The following KLHL2 variants were observed in gnomAD, a reference collection of about 807,000 sequenced individuals.
KLHL2 encodes the protein kelch like family member 2.
A neutral mutation model predicts 75.8 loss-of-function variants in KLHL2; 15 were observed. That is an observed-to-expected ratio of 0.20 (90% CI 0.13 to 0.30). The LOEUF (loss-of-function observed/expected upper bound fraction) is 0.30, where lower values mean the gene tolerates loss of function less well. KLHL2 is among the 10% of genes least tolerant of loss of function. The pLI, the probability that KLHL2 is intolerant of heterozygous loss-of-function variation, is 1.00. For missense variants in KLHL2, 381 were observed against 741.0 expected (o/e 0.51, Z 5.64); for synonymous variants, 214 against 251.9 (o/e 0.85, Z 1.42).
chr4:165,312,428 T>TTATTA (rs34081538), intron 11 of KLHL2, among the ~76,000 whole-genome samples: 1 of 75,940 alleles, frequency 1.3e-5, no homozygotes, highest in African/African-American at 4.5e-5. Context: ...ATTATTATTA[T>TTATTA]TTTTTTTTAA....
chr4:165,212,792 A>G (rs1578962388), intron 1 of KLHL2, among the ~76,000 whole-genome samples: 2 of 152,222 alleles, frequency 1.3e-5, no homozygotes, highest in African/African-American at 4.8e-5. Context: ...TCTGTCTTGC[A>G]TGACTTCTCT....
At chr4:165,236,741 TCTTA>T (rs1322779590) in intron 3 of KLHL2, among the ~76,000 whole-genome samples, 1 of 152,228 alleles carries the variant, frequency 6.6e-6, no homozygotes, top group Non-Finnish European at 1.5e-5. Flanking sequence ...TTTTTATTTT[TCTTA>T]CTGTTTTTGT....
At chr4:165,226,339 G>C (rs894704164) in intron 2 of KLHL2, among the ~76,000 whole-genome samples, 23 of 152,224 alleles carry the variant, frequency 1.5e-4, no homozygotes, top group Middle Eastern at 3.4e-3. Context: ...GTCTCCATGC[G>C]ATAGTACATC....
chr4:165,255,797 C>T (rs1741120775), intron 4 of KLHL2, among the ~76,000 whole-genome samples: 1 of 152,074 alleles, frequency 6.6e-6, no homozygotes, highest in Admixed American at 6.5e-5. Flanking sequence ...CTATGGCTAG[C>T]TGAGTCAAAA....
chr4:165,212,078 A>T (rs1477132991), intron 1 of KLHL2, among the ~76,000 whole-genome samples: 4 of 152,158 alleles, frequency 2.6e-5, no homozygotes, highest in Non-Finnish European at 4.4e-5. Flanking sequence ...GTAGTGTTCT[A>T]CCAAATCCAA....
At chr4:165,273,613 A>T (rs1336451293) in intron 5 of KLHL2, among the ~76,000 whole-genome samples, 1 of 152,200 alleles carries the variant, frequency 6.6e-6, no homozygotes, top group Non-Finnish European at 1.5e-5. Flanking sequence ...GTTTCCCTGC[A>T]CAAGCTCTCT....
chr4:165,299,603 A>G lies in KLHL2; in HGVS notation c.868A>G (p.Ile290Val), dbSNP rs752016015. 1.5e-5 allele frequency: 25 copies of G among 1,613,828 alleles called. No individual in the cohort carries two copies. The highest frequency in any genetic ancestry group is 1.0e-4 in the Admixed American group (6 of 59,890). ...KYHLLPTEQR[I>V]LMKSVRTRLR... ...CCATTTGCTGCCAACAGAGCAGCGTATATTAATGAAGAGTGTCCGGACCCG... is the reference window on the plus strand; with the variant it reads ...CCATTTGCTGCCAACAGAGCAGCGTGTATTAATGAAGAGTGTCCGGACCCG... Residue 290 changes from isoleucine to valine, a missense_variant, in exon 8 of 15, where the codon ATA (isoleucine) becomes GTA (valine). Ile to Val is a conservative substitution (Grantham distance 29). Around this residue, in one of 5 missense-constraint regions of KLHL2, gnomAD observed 111 missense variants for 150.1 expected, o/e 0.74. Coordinates refer to ENST00000226725, the MANE Select transcript of KLHL2 (RefSeq NM_007246.4).
intron 5 of KLHL2, among the ~76,000 whole-genome samples, chr4:165,285,051 A>C (rs1314666229): frequency 6.6e-6 from 1 of 152,198 alleles, no homozygotes; most frequent in Non-Finnish European, 1.5e-5. Flanking sequence ...GAATTATGGG[A>C]GTTACAAGAT....
intron 1 of KLHL2, among the ~76,000 whole-genome samples, chr4:165,219,326 A>G (rs1186060971): frequency 2.0e-5 from 3 of 152,274 alleles, no homozygotes; most frequent in African/African-American, 7.2e-5. Context: ...GGATAATAAT[A>G]GTAATTTGCT....
chr4:165,218,428 C>G (rs1229764051), intron 1 of KLHL2, among the ~76,000 whole-genome samples: 1 of 152,196 alleles, frequency 6.6e-6, no homozygotes, highest in African/African-American at 2.4e-5. Context: ...GATGTTCCCA[C>G]ACCCCCTAGT....
intron 5 of KLHL2, among the ~76,000 whole-genome samples, chr4:165,273,722 T>A (rs1397486335): frequency 1.3e-5 from 2 of 152,254 alleles, no homozygotes; most frequent in Non-Finnish European, 2.9e-5. Context: ...TATAAGTCCA[T>A]TAAACCTCTT....
At chr4:165,221,276 A>T (rs576187726) in intron 2 of KLHL2, among the ~76,000 whole-genome samples, 1 of 152,254 alleles carries the variant, frequency 6.6e-6, no homozygotes, top group Non-Finnish European at 1.5e-5. Flanking sequence ...AGTGTTGCAG[A>T]GGAGGGCTGC....
intron 9 of KLHL2, among the ~76,000 whole-genome samples, chr4:165,309,053 T>G (rs1055120945): frequency 6.6e-5 from 10 of 152,204 alleles, no homozygotes; most frequent in African/African-American, 2.4e-4. Context: ...GTCAAACATA[T>G]CTGGTGATTC....
At chr4:165,310,489 A>T in intron 9 of KLHL2, 64 bp from the exon 10 acceptor site, 1 of 1,339,536 alleles carries the variant, frequency 7.5e-7, no homozygotes, top group Non-Finnish European at 1.1e-6. Context: ...TCAGAAAGCA[A>T]TCTTTGGATA....
At chr4:165,256,419 T>C (rs1579054539) in intron 4 of KLHL2, among the ~76,000 whole-genome samples, 2 of 152,220 alleles carry the variant, frequency 1.3e-5, no homozygotes. Flanking sequence ...CACTTAAAAC[T>C]GTTGCTGTTC....
At chr4:165,233,637 C>T (rs967029296) in intron 3 of KLHL2, among the ~76,000 whole-genome samples, 3 of 152,156 alleles carry the variant, frequency 2.0e-5, no homozygotes, top group Non-Finnish European at 4.4e-5. Context: ...TGAGAATCTT[C>T]TCTGCTAGGC....
At chr4:165,281,551 G>A (rs1348742656) in intron 5 of KLHL2, among the ~76,000 whole-genome samples, 3 of 152,052 alleles carry the variant, frequency 2.0e-5, no homozygotes, top group Non-Finnish European at 4.4e-5. Context: ...TCCTGACCTC[G>A]TGATCCACCC....
At chr4:165,285,245 A>G (rs1014914439) in intron 5 of KLHL2, among the ~76,000 whole-genome samples, 1 of 152,180 alleles carries the variant, frequency 6.6e-6, no homozygotes, top group African/African-American at 2.4e-5. Context: ...ATACCATTAA[A>G]TCTTATGATT....
intron 5 of KLHL2, among the ~76,000 whole-genome samples, chr4:165,281,844 T>C (rs1743719316): frequency 6.6e-6 from 1 of 152,258 alleles, no homozygotes; most frequent in African/African-American, 2.4e-5. Context: ...TTAACGTATA[T>C]AGCATATTGA....
Sources: gnomAD v4.1 joint callset for allele counts (sites outside exome capture counted in the v4.1 genomes callset) on GRCh38, gnomAD v4.1.1 for gene constraint, gnomAD v4.1.1 regional missense constraint, MANE v1.5 for transcripts, NCBI Gene and HGNC (gene_info 2026-07-23, HGNC 2026-07-21) for gene names.